Variants in SAAL1 observed in about 807,000 individuals in gnomAD.
SAAL1 encodes the protein serum amyloid A like 1.
SAAL1 carries 42 observed loss-of-function variants against 59.8 expected under a neutral mutation model. That is an observed-to-expected ratio of 0.70 (90% CI 0.55 to 0.91). SAAL1 has a LOEUF of 0.91. Ranked by LOEUF, SAAL1 falls within the 40% of genes least tolerant of loss-of-function variation. SAAL1 has a pLI of 0.00. For synonymous variants in SAAL1, 191 were observed against 194.3 expected (o/e 0.98, Z 0.14); for missense variants, 542 against 561.1 (o/e 0.97, Z 0.34).
intron 3 of SAAL1, among the ~76,000 whole-genome samples, chr11:18,094,175 G>A (rs1848550152): frequency 6.6e-6 from 1 of 152,100 alleles, no homozygotes; most frequent in African/African-American, 2.4e-5. Context: ...GATTAGATAA[G>A]TGTGACCATA....
At chr11:18,086,041 A>G (rs1030274448) in intron 9 of SAAL1, among the ~76,000 whole-genome samples, 1 of 152,262 alleles carries the variant, frequency 6.6e-6, no homozygotes, top group Non-Finnish European at 1.5e-5. Flanking sequence ...TTGGCTAAAA[A>G]GCAGAATTAA....
At chr11:18,099,023 G>A (rs1418212315) in intron 2 of SAAL1, among the ~76,000 whole-genome samples, 3 of 152,238 alleles carry the variant, frequency 2.0e-5, no homozygotes. Context: ...TTTAAAAAGT[G>A]TAGCAACCTG....
chr11:18,086,528 G>C (rs759444487), intron 9 of SAAL1, among the ~76,000 whole-genome samples: 1 of 151,966 alleles, frequency 6.6e-6, no homozygotes, highest in African/African-American at 2.4e-5. Flanking sequence ...GTAAAAACCC[G>C]TCTCTACTGA....
intron 2 of SAAL1, among the ~76,000 whole-genome samples, chr11:18,099,084 G>A (rs1333087636): frequency 1.3e-5 from 2 of 152,188 alleles, no homozygotes; most frequent in African/African-American, 4.8e-5. Flanking sequence ...GAACCCATGA[G>A]TCTGATTTGA....
intron 2 of SAAL1, among the ~76,000 whole-genome samples, chr11:18,101,821 A>T (rs959390662): frequency 1.0e-4 from 5 of 49,638 alleles, no homozygotes; most frequent in Admixed American, 1.5e-4. Flanking sequence ...ATTCAGCAAT[A>T]AAAAAAAAAA....
intron 3 of SAAL1, chr11:18,093,672 A>G (rs916613611): frequency 6.6e-6 from 1 of 152,220 alleles, no homozygotes; most frequent in Non-Finnish European, 1.5e-5. Context: ...AGATGAGGAA[A>G]CTAAGGCACA....
chr11:18,095,333 A>C (rs964835), intron 3 of SAAL1, among the ~76,000 whole-genome samples: 62,922 of 152,058 alleles, frequency 0.41, 13,634 homozygotes, highest in African/African-American at 0.51. Context: ...ACTCAGTATA[A>C]AAATAGCATA....
intron 11 of SAAL1, among the ~76,000 whole-genome samples, chr11:18,081,193 A>C (rs1392915112): frequency 6.6e-6 from 1 of 151,916 alleles, no homozygotes; most frequent in East Asian, 1.9e-4. Context: ...TCCCATTTGT[A>C]TGTCCATAGT....
At chr11:18,088,896 T>C (rs944945979) in intron 7 of SAAL1, among the ~76,000 whole-genome samples, 1 of 152,244 alleles carries the variant, frequency 6.6e-6, no homozygotes, top group Non-Finnish European at 1.5e-5. Context: ...TAAACAGTTT[T>C]AATGACCTGT....
chr11:18,083,338 A>G, intron 10 of SAAL1, 197 bp downstream of exon 10: 2 of 424,086 alleles, frequency 4.7e-6, no homozygotes, highest in Non-Finnish European at 8.4e-6. Flanking sequence ...AAACATAGGC[A>G]TATGTCTGTC....
intron 7 of SAAL1, among the ~76,000 whole-genome samples, chr11:18,088,225 T>C (rs1848486910): frequency 6.6e-6 from 1 of 152,172 alleles, no homozygotes; most frequent in Non-Finnish European, 1.5e-5. Context: ...TTTGAGAATT[T>C]TTCATTTATT....
At chr11:18,100,771 C>A (rs1466569442) in intron 2 of SAAL1, among the ~76,000 whole-genome samples, 2 of 152,136 alleles carry the variant, frequency 1.3e-5, no homozygotes, top group South Asian at 2.1e-4. Context: ...GAGAAAGGAT[C>A]GTCTTTTCAA....
In SAAL1 at chr11:18,087,188, T is replaced by C. The variant is rs919090097; in HGVS notation, c.808A>G (p.Ile270Val). ...TCCACTGTAGTAAGCAGTTGTAAAA[T>C]GTGCATGTAAACATCAAGCCATTCT... is the stretch of plus-strand genomic sequence containing the variant. ...NPEWLDVYMH[I>V]LQLLTTVDDG... Residue 270 changes from isoleucine to valine, a missense_variant, in exon 8 of 12, where the codon ATT (isoleucine) becomes GTT (valine). Ile to Val is a conservative substitution (Grantham distance 29). Transcript: ENST00000524803. 4.3e-6 allele frequency: 7 copies of C among 1,613,520 alleles called. No individual in the cohort carries two copies. The African/African-American group carries it at 6.7e-5, about 15-fold the overall frequency.
At position 18,087,176 on chromosome 11, in the gene SAAL1, G is replaced by A; in HGVS notation, c.820C>T (p.Leu274Phe). The change falls in exon 8 of 12, where the codon CTT becomes TTT. Residue 274 changes from leucine (L) to phenylalanine (F), a missense_variant. Physicochemically the swap from Leu to Phe is conservative, Grantham distance 22. Transcript: ENST00000524803. ...TGAATTCCATCATCCACTGTAGTAAGCAGTTGTAAAATGTGCATGTAAACA... is the reference window on the plus strand; with the variant it reads ...TGAATTCCATCATCCACTGTAGTAAACAGTTGTAAAATGTGCATGTAAACA... The part of the protein sequence containing the change: ...LDVYMHILQL[L>F]TTVDDGIQAI... The A allele has an allele frequency of 6.2e-7, 1 of 1,613,538 alleles. No individual in the cohort carries two copies. Among genetic ancestry groups the A allele is most frequent in the Non-Finnish European group, 8.5e-7 (1 of 1,179,474 alleles).
At chr11:18,103,705 C>T (rs149117731) in intron 1 of SAAL1, among the ~76,000 whole-genome samples, 11 of 152,230 alleles carry the variant, frequency 7.2e-5, no homozygotes, top group Middle Eastern at 3.4e-3. Context: ...GCTCCAGCCA[C>T]CCTCAACCCT....
intron 4 of SAAL1, among the ~76,000 whole-genome samples, chr11:18,091,096 C>T (rs1848519373): frequency 6.6e-6 from 1 of 152,190 alleles, no homozygotes; most frequent in Admixed American, 6.5e-5. Context: ...ATGGACATTT[C>T]TGTTGATTCC....
intron 7 of SAAL1, 135 bp downstream of exon 7, chr11:18,089,195 A>G (rs966343589): frequency 5.9e-6 from 4 of 679,910 alleles, no homozygotes; most frequent in African/African-American, 5.6e-5. Context: ...CACAAATAGT[A>G]GTAGTGAATT....
At chr11:18,102,339 T>C (rs530588636) in intron 2 of SAAL1, among the ~76,000 whole-genome samples, 4 of 151,802 alleles carry the variant, frequency 2.6e-5, no homozygotes, top group Non-Finnish European at 1.5e-5. Context: ...GAGGCGGAGA[T>C]TGCAGTGAGC....
In SAAL1 at chr11:18,096,833, C is replaced by G; in HGVS notation, c.271G>C (p.Glu91Gln). The G allele has an allele frequency of 6.3e-7, 1 of 1,581,610 alleles. No homozygotes were observed. The change falls in exon 3 of 12, where the codon GAA becomes CAA. Residue 91 changes from glutamate (E) to glutamine (Q), a missense_variant. Coordinates refer to ENST00000524803, the MANE Select transcript of SAAL1 (RefSeq NM_138421.3). ...MDEDVALFLQ[E>Q]FNAPDIFMGV... ...ATGAATATATCAGGAGCATTAAATT[C>G]TTGGAGAAATAAAGCCACGTCCTGA... is the stretch of plus-strand genomic sequence containing the variant.
Sources: allele counts gnomAD v4.1 joint callset (sites outside exome capture counted in the v4.1 genomes callset), GRCh38; gene constraint gnomAD v4.1.1; transcripts MANE v1.5; gene names NCBI Gene and HGNC (gene_info 2026-07-23, HGNC 2026-07-21).